Variants in CSMD1 observed in about 807,000 individuals in gnomAD.
CSMD1 encodes CUB and sushi domain-containing protein 1.
A neutral mutation model predicts 417.5 loss-of-function variants in CSMD1; 213 were observed. The ratio of observed to expected loss-of-function variants is 0.51; its 90% confidence interval spans 0.46 to 0.57. The LOEUF (loss-of-function observed/expected upper bound fraction) is 0.57. CSMD1 is among the 20% of genes least tolerant of loss of function. The pLI is 0.00. For missense variants in CSMD1, 6,923 were observed against 4,529.7 expected (o/e 1.53, Z -15.17); for synonymous variants, 2,862 against 1,736.8 (o/e 1.65, Z -16.11).
At chr8:3,840,562 T>C (rs959695676) in intron 5 of CSMD1, among the ~76,000 whole-genome samples, 2 of 152,164 alleles carry the variant, frequency 1.3e-5, no homozygotes, top group Non-Finnish European at 2.9e-5. Context: ...AATGCAAGCA[T>C]GCCTCCTTAT....
chr8:4,839,996 C>A (rs966921007), intron 1 of CSMD1, among the ~76,000 whole-genome samples: 5 of 152,176 alleles, frequency 3.3e-5, no homozygotes, highest in African/African-American at 7.2e-5. Context: ...GTGGAACTTA[C>A]AGGTGCTTTT....
chr8:3,665,996 GC>G (rs1284344652), intron 7 of CSMD1, among the ~76,000 whole-genome samples: 1 of 152,064 alleles, frequency 6.6e-6, no homozygotes, highest in Non-Finnish European at 1.5e-5. Flanking sequence ...TCCTGCCTTA[GC>G]CTCCTCCTGC....
chr8:3,978,977 G>T (rs968872300), intron 5 of CSMD1, among the ~76,000 whole-genome samples: 5 of 152,204 alleles, frequency 3.3e-5, no homozygotes, highest in Non-Finnish European at 7.3e-5. Context: ...CCTCCTAGAA[G>T]CTTGCATTTT....
chr8:3,751,226 C>A (rs533933723), intron 6 of CSMD1, among the ~76,000 whole-genome samples: 19 of 151,592 alleles, frequency 1.3e-4, no homozygotes, highest in Admixed American at 1.2e-3. Flanking sequence ...TCTCTTGATA[C>A]CTTCATACCT....
rs539067782 is a variant in CSMD1, at chr8:3,308,407, C to A, written c.3728G>T (p.Ser1243Ile). 7.4e-6 allele frequency: 12 copies of A among 1,613,728 alleles called. No individual in the cohort carries two copies. Among genetic ancestry groups the A allele is most frequent in the Non-Finnish European group, 1.0e-5 (12 of 1,179,828 alleles). Residue 1243 changes from serine to isoleucine, a missense_variant, in exon 24 of 70, where the codon AGT (serine) becomes ATT (isoleucine). Ser to Ile is a moderately radical substitution (Grantham distance 142). Coordinates refer to ENST00000635120, the MANE Select transcript of CSMD1 (RefSeq NM_033225.6). ...GHFTDTVVLY[S>I]CNPGYAMHGS... ...ATGCATGGCGTACCCCGGGTTGCAA[C>A]TGTACAGAACTACAGTGTCGGTAAA...
chr8:4,169,842 A>AT (rs1167475321), intron 3 of CSMD1, among the ~76,000 whole-genome samples: 1 of 152,132 alleles, frequency 6.6e-6, no homozygotes, highest in Admixed American at 6.5e-5. Context: ...AATTATTTCC[A>AT]TAGCATGCGT....
At chr8:4,731,992 G>T (rs1312364151) in intron 1 of CSMD1, among the ~76,000 whole-genome samples, 2 of 152,134 alleles carry the variant, frequency 1.3e-5, no homozygotes, top group Non-Finnish European at 2.9e-5. Context: ...TGAGAAGGAG[G>T]AGAGAAAAAA....
rs541203911 is a variant in CSMD1 at position 3,172,384 on chromosome 8, T to C, written c.5725+8726A>G. Among the ~76,000 whole-genome samples the C allele has an allele frequency of 5.9e-5, 9 of 152,356 alleles. 1 individual carries two copies. Among genetic ancestry groups the C allele is most frequent in the African/African-American group, 2.2e-4 (9 of 41,588 alleles). ...CTAATGCTCATTTTTTTTCTAGGGA[T>C]ACTTTTAATCTGAGGCATTGCTGTC... is the stretch of plus-strand genomic sequence containing the variant. On this transcript the variant is annotated intron_variant, in intron 37 of 69. Coordinates refer to ENST00000635120, the MANE Select transcript of CSMD1 (RefSeq NM_033225.6).
chr8:4,181,050 G>A (rs1798342406), intron 3 of CSMD1, among the ~76,000 whole-genome samples: 1 of 152,036 alleles, frequency 6.6e-6, no homozygotes, highest in Non-Finnish European at 1.5e-5. Context: ...AAAAACTAAA[G>A]AGTCTCCAAA....
At position 3,110,264 on chromosome 8, in the gene CSMD1, T is replaced by C. The variant is rs777422291; in HGVS notation, c.6502A>G (p.Ile2168Val). The change falls in exon 43 of 70, where the codon ATC becomes GTC. Residue 2168 changes from isoleucine (I) to valine (V), a missense_variant. Coordinates refer to ENST00000635120, the MANE Select transcript of CSMD1 (RefSeq NM_033225.6). ...YSPGFPDEYP[I>V]LKDCIWLITV... ...ATGAGCCAAATGCAGTCCTTCAGGA[T>C]CGGATACTCATCAGGAAAGCCAGGG... is the stretch of plus-strand genomic sequence containing the variant. 9 of 1,613,382 alleles carry C rather than the reference T, an allele frequency of 5.6e-6. No individual in the cohort carries two copies. The highest frequency in any genetic ancestry group is 1.3e-5 in the African/African-American group (1 of 74,890).
chr8:4,291,279 T>G (rs780379919), intron 3 of CSMD1, among the ~76,000 whole-genome samples: 3 of 152,092 alleles, frequency 2.0e-5, no homozygotes, highest in Non-Finnish European at 4.4e-5. Flanking sequence ...AAAGGATAAA[T>G]ATGGATTAAA....
At chr8:3,644,930 G>T (rs1365892668) in intron 7 of CSMD1, among the ~76,000 whole-genome samples, 2 of 121,490 alleles carry the variant, frequency 1.6e-5, no homozygotes, top group African/African-American at 3.3e-5. Context: ...ATTTTCCCTG[G>T]AAATTCCAGG....
At chr8:3,470,202 C>A (rs1320706986) in intron 11 of CSMD1, among the ~76,000 whole-genome samples, 1 of 152,064 alleles carries the variant, frequency 6.6e-6, no homozygotes, top group Non-Finnish European at 1.5e-5. Context: ...TGAAATCATA[C>A]TATATATAAC....
intron 1 of CSMD1, among the ~76,000 whole-genome samples, chr8:4,852,572 T>C (rs1203317968): frequency 3.3e-5 from 5 of 152,078 alleles, no homozygotes; most frequent in African/African-American, 1.2e-4. Context: ...AACAGCCTAA[T>C]ACAGAAAAAT....
intron 10 of CSMD1, among the ~76,000 whole-genome samples, chr8:3,517,262 C>A (rs1003604125): frequency 2.6e-5 from 4 of 152,132 alleles, no homozygotes; most frequent in South Asian, 2.1e-4. Context: ...TGAAAAGACA[C>A]AGAGTTGTGA....
chr8:3,983,711 T>C (rs1032757015), intron 5 of CSMD1, among the ~76,000 whole-genome samples: 7 of 152,224 alleles, frequency 4.6e-5, no homozygotes, highest in South Asian at 2.1e-4. Context: ...TTGGGGGCCA[T>C]TGCTAAGTAT....
At chr8:3,098,519 G>A (rs191315639) in intron 46 of CSMD1, among the ~76,000 whole-genome samples, 1 of 152,080 alleles carries the variant, frequency 6.6e-6, no homozygotes, top group East Asian at 1.9e-4. Context: ...ATATATTTTA[G>A]GTGAGATTTT....
chr8:4,593,627 T>C (rs1372399804), intron 2 of CSMD1, among the ~76,000 whole-genome samples: 1 of 152,188 alleles, frequency 6.6e-6, no homozygotes, highest in Admixed American at 6.5e-5. Context: ...ATGATTTTTG[T>C]GATCCGGAGT....
At chr8:3,723,581 T>A (rs1563311928) in intron 6 of CSMD1, among the ~76,000 whole-genome samples, 1 of 152,214 alleles carries the variant, frequency 6.6e-6, no homozygotes, top group Non-Finnish European at 1.5e-5. Context: ...TAGATAGTCT[T>A]TTTGCCAATG....
Sources: allele counts gnomAD v4.1 joint callset (sites outside exome capture counted in the v4.1 genomes callset), GRCh38; gene constraint gnomAD v4.1.1; transcripts MANE v1.5; gene names NCBI Gene and HGNC (gene_info 2026-07-23, HGNC 2026-07-21).